Variants in DPYD observed in about 807,000 individuals in gnomAD.
DPYD encodes dihydropyrimidine dehydrogenase, also known as dihydropyrimidine dehydrogenase [NADP(+)].
In DPYD, 109 loss-of-function variants were observed where a neutral mutation model predicts 116.2. The observed-to-expected ratio is 0.94, with a 90% CI of 0.80 to 1.10. The LOEUF is 1.10. Ranked by LOEUF, DPYD falls within the 50% of genes least tolerant of loss-of-function variation. The probability of loss-of-function intolerance (pLI) is 0.00; values close to 1 mark genes in which losing one functional copy is unlikely to be tolerated. For missense variants in DPYD, 1,302 were observed against 1,254.5 expected (o/e 1.04, Z -0.57); for synonymous variants, 440 against 432.0 (o/e 1.02, Z -0.23).
chr1:97,183,002 T>C (rs1657747432), intron 20 of DPYD, among the ~76,000 whole-genome samples: 1 of 152,162 alleles, frequency 6.6e-6, no homozygotes, highest in East Asian at 1.9e-4. Context: ...ATTTTCTTAA[T>C]TGTATCTTTT....
intron 12 of DPYD, among the ~76,000 whole-genome samples, chr1:97,528,245 A>T (rs1649297572): frequency 6.6e-6 from 1 of 152,152 alleles, no homozygotes; most frequent in South Asian, 2.1e-4. Context: ...AACAGATTTC[A>T]TTCTCCATTT....
At chr1:97,771,199 G>A (rs1047969634) in intron 3 of DPYD, among the ~76,000 whole-genome samples, 1 of 152,136 alleles carries the variant, frequency 6.6e-6, no homozygotes, top group African/African-American at 2.4e-5. Context: ...GCATGCGCCA[G>A]GGGGTAGTGG....
chr1:97,354,657 T>C (rs1329665073), intron 16 of DPYD, among the ~76,000 whole-genome samples: 2 of 152,160 alleles, frequency 1.3e-5, no homozygotes, highest in African/African-American at 4.8e-5. Context: ...AGAAAATTAA[T>C]TTGAAATGTA....
chr1:97,290,837 G>A (rs1262617215), intron 18 of DPYD, among the ~76,000 whole-genome samples: 1 of 152,094 alleles, frequency 6.6e-6, no homozygotes, highest in Non-Finnish European at 1.5e-5. Flanking sequence ...TTAACAAATG[G>A]GATCTAATTA....
At chr1:97,477,336 C>T (rs976178986) in intron 13 of DPYD, among the ~76,000 whole-genome samples, 1 of 152,176 alleles carries the variant, frequency 6.6e-6, no homozygotes, top group African/African-American at 2.4e-5. Context: ...CATGAGATTG[C>T]AGGAATTAAG....
intron 14 of DPYD, among the ~76,000 whole-genome samples, chr1:97,437,861 T>G (rs1199089512): frequency 3.3e-5 from 5 of 152,034 alleles, no homozygotes; most frequent in Non-Finnish European, 1.5e-5. Flanking sequence ...GTTTTAGGTT[T>G]CTCATTTAGG....
intron 20 of DPYD, among the ~76,000 whole-genome samples, chr1:97,142,498 G>C (rs1211127841): frequency 6.6e-6 from 1 of 152,064 alleles, no homozygotes. Flanking sequence ...AGAAACAAAA[G>C]ATTCCAGAGA....
chr1:97,898,010 G>C (rs1332789452), intron 1 of DPYD, among the ~76,000 whole-genome samples: 2 of 151,626 alleles, frequency 1.3e-5, no homozygotes, highest in East Asian at 3.9e-4. Flanking sequence ...AAAATGATTT[G>C]ATCCTCTCAG....
chr1:97,679,136 G>C lies in DPYD; in HGVS notation c.809C>G (p.Thr270Ser), dbSNP rs775926386. The C allele has an allele frequency of 1.3e-6, 2 of 1,590,918 alleles. No individual in the cohort carries two copies. The highest frequency in any genetic ancestry group is 1.7e-6 in the Non-Finnish European group (2 of 1,166,446). Residue 270 changes from threonine (T) to serine (S), a missense_variant, in exon 8 of 23, where the codon ACT becomes AGT. Physicochemically the swap from Thr to Ser is moderately conservative, Grantham distance 58. Coordinates refer to ENST00000370192, the MANE Select transcript of DPYD (RefSeq NM_000110.4). ...AGCTTTGTAGCCTTTTTCTTTCAAA[G>C]TGCTAAGAGTCATTTCATTCACTGA... ...SLSVNEMTLS[T>S]LKEKGYKAAF...
At chr1:97,775,666 T>C (rs1666358342) in intron 3 of DPYD, among the ~76,000 whole-genome samples, 1 of 152,162 alleles carries the variant, frequency 6.6e-6, no homozygotes, top group Non-Finnish European at 1.5e-5. Flanking sequence ...ACATATTATA[T>C]ATATTCTTGT....
intron 3 of DPYD, among the ~76,000 whole-genome samples, chr1:97,760,664 T>C (rs938424064): frequency 4.6e-5 from 7 of 152,082 alleles, no homozygotes; most frequent in African/African-American, 1.7e-4. Flanking sequence ...ACGACTATAA[T>C]GTCAAAGTAC....
At chr1:97,370,005 T>C (rs899702566) in intron 16 of DPYD, among the ~76,000 whole-genome samples, 4 of 152,236 alleles carry the variant, frequency 2.6e-5, no homozygotes, top group African/African-American at 9.6e-5. Context: ...CAACATATTT[T>C]CTTTATCCAC....
At chr1:97,283,971 C>T (rs1272993638) in intron 18 of DPYD, among the ~76,000 whole-genome samples, 1 of 152,062 alleles carries the variant, frequency 6.6e-6, no homozygotes, top group Non-Finnish European at 1.5e-5. Flanking sequence ...TAACTCAGAG[C>T]CTGGTACACA....
chr1:97,649,488 T>C (rs940447665), intron 8 of DPYD, among the ~76,000 whole-genome samples: 2 of 152,122 alleles, frequency 1.3e-5, no homozygotes, highest in African/African-American at 4.8e-5. Context: ...ACTTAAAATA[T>C]GTTTCTTTTT....
chr1:97,268,139 T>C lies in DPYD; in HGVS notation c.2300-33145A>G, dbSNP rs780238756. Among the ~76,000 whole-genome samples the C allele has an allele frequency of 1.5e-4, 23 of 152,248 alleles. 1 individual carries two copies. The highest frequency in any genetic ancestry group is 1.9e-4 in the East Asian group (1 of 5,174). On this transcript the variant is annotated intron_variant, in intron 18 of 22. Coordinates refer to ENST00000370192, the MANE Select transcript of DPYD (RefSeq NM_000110.4). The stretch of plus-strand genomic sequence containing the variant: ...TAAATTTTAAAGCTAGAGAATAATA[T>C]GTTTTGACTCTATGTCCCACCTCCT...
At chr1:97,334,060 A>G (rs1669164483) in intron 16 of DPYD, among the ~76,000 whole-genome samples, 1 of 152,168 alleles carries the variant, frequency 6.6e-6, no homozygotes, top group African/African-American at 2.4e-5. Context: ...GATCATTTAA[A>G]TATTTCAGTT....
chr1:97,115,626 T>G (rs541952633), intron 20 of DPYD, among the ~76,000 whole-genome samples: 2 of 152,290 alleles, frequency 1.3e-5, no homozygotes, highest in Non-Finnish European at 2.9e-5. Context: ...GAGGAAAATG[T>G]TCTTAAAAGT....
chr1:97,719,165 CAAAAAAAAAAAAA>C (rs1005459699), intron 5 of DPYD, among the ~76,000 whole-genome samples: 9 of 48,198 alleles, frequency 1.9e-4, no homozygotes, highest in Middle Eastern at 0.011. Flanking sequence ...CCAACCCTGC[CAAAAAAAAAAAAA>C]AAAAAAAAAA....
Position 97,665,396 on chromosome 1 carries a change from T to C in DPYD, c.850+13699A>G, listed in dbSNP as rs567342910. Among the ~76,000 whole-genome samples, 140 of 152,316 alleles carry C rather than the reference T, an allele frequency of 9.2e-4. No individual in the cohort carries two copies. The Middle Eastern group carries it at 0.027, about 30-fold the overall frequency. On this transcript the variant is annotated intron_variant, in intron 8 of 22. Coordinates refer to ENST00000370192, the MANE Select transcript of DPYD (RefSeq NM_000110.4). ...CAATAGTATTTTTCATTATCAATCT[T>C]TTTTCACATTGTTGTTTTTATTTTT...
Sources: gnomAD v4.1 joint callset for allele counts (sites outside exome capture counted in the v4.1 genomes callset) on GRCh38, gnomAD v4.1.1 for gene constraint, MANE v1.5 for transcripts, NCBI Gene and HGNC (gene_info 2026-07-23, HGNC 2026-07-21) for gene names.